Variants in WDTC1 observed in about 807,000 individuals in gnomAD.
The protein encoded by WDTC1 is WD and tetratricopeptide repeats protein 1.
A neutral mutation model predicts 76.0 loss-of-function variants in WDTC1; 12 were observed. The observed-to-expected ratio is 0.16, with a 90% CI of 0.10 to 0.26. The LOEUF is 0.26. WDTC1 is among the 10% of genes least tolerant of loss of function. WDTC1 has a pLI of 1.00. For missense variants in WDTC1, 511 were observed against 908.8 expected (o/e 0.56, Z 5.63); for synonymous variants, 326 against 350.8 (o/e 0.93, Z 0.79).
chr1:27,257,150 C>T (rs1445331644), intron 1 of WDTC1, among the ~76,000 whole-genome samples: 1 of 152,188 alleles, frequency 6.6e-6, no homozygotes, highest in African/African-American at 2.4e-5. Context: ...GCGTGAGCCA[C>T]CGTGCCCGGC....
intron 2 of WDTC1, 80 bp downstream of exon 2, chr1:27,261,182 A>C: frequency 6.4e-7 from 1 of 1,568,792 alleles, no homozygotes; most frequent in South Asian, 1.1e-5. Context: ...AAAAACTGAA[A>C]TCTATAGTCT....
At position 27,254,550 on chromosome 1, in the gene WDTC1, G is replaced by A. The variant is rs185950993; in HGVS notation, c.-99-6406G>A. 4.7e-3 allele frequency among the ~76,000 whole-genome samples: 708 copies of A among 151,990 alleles called. 6 individuals carry two copies. The highest frequency in any genetic ancestry group is 0.016 in the African/African-American group (672 of 41,484). On this transcript the variant is annotated intron_variant, in intron 1 of 15. Transcript: ENST00000319394. ...GAGGCAGTGGTTCCAGTGAGCTATC[G>A]CGCCACTGCACTCCAGCCTGGGTGA...
intron 1 of WDTC1, among the ~76,000 whole-genome samples, chr1:27,243,855 G>T (rs2011714692): frequency 6.6e-6 from 1 of 151,830 alleles, no homozygotes; most frequent in South Asian, 2.1e-4. Context: ...GTCTGGCATG[G>T]TGACTCATGC....
intron 1 of WDTC1, among the ~76,000 whole-genome samples, chr1:27,259,710 A>G (rs1444522506): frequency 2.0e-5 from 3 of 152,084 alleles, no homozygotes; most frequent in Non-Finnish European, 4.4e-5. Context: ...TAACACAGGA[A>G]CAGGTTGCTT....
intron 7 of WDTC1, 72 bp downstream of exon 7, chr1:27,292,469 C>G (rs2013560894): frequency 1.5e-6 from 2 of 1,367,718 alleles, no homozygotes; most frequent in Non-Finnish European, 2.0e-6. Context: ...TCCCTCACTG[C>G]CATTGCCATG....
intron 3 of WDTC1, among the ~76,000 whole-genome samples, chr1:27,272,020 C>T (rs1013091096): frequency 8.7e-5 from 13 of 149,506 alleles, no homozygotes; most frequent in Non-Finnish European, 1.8e-4. Flanking sequence ...CCGAGGCGGG[C>T]GGATCACCTG....
chr1:27,253,123 C>G (rs1468797152), intron 1 of WDTC1, among the ~76,000 whole-genome samples: 1 of 151,468 alleles, frequency 6.6e-6, no homozygotes, highest in Non-Finnish European at 1.5e-5. Context: ...ATTCTCCTGC[C>G]TCAGCCTCCC....
chr1:27,269,164 CAAAAAAAAAAAAAAAA>C (rs34447091), intron 3 of WDTC1, among the ~76,000 whole-genome samples: 2 of 58,858 alleles, frequency 3.4e-5, no homozygotes, highest in African/African-American at 9.0e-5. Flanking sequence ...CCTGTTTCTC[CAAAAAAAAAAAAAAAA>C]AAAAAAAAAA....
At position 27,303,518 on chromosome 1, in the gene WDTC1, T is replaced by C. The variant is rs2013880281; in HGVS notation, c.1469-103T>C. 2 of 1,411,116 alleles carry C rather than the reference T, an allele frequency of 1.4e-6. No homozygotes were observed. The highest frequency in any genetic ancestry group is 1.9e-6 in the Non-Finnish European group (2 of 1,063,320). The allele number at this position is 1,411,116 out of a possible 1,614,324, so 87.4% of individuals were successfully genotyped here. Reference sequence around the variant, plus strand: ...GGATAAGGGTGGAGGCAGGTAGCTCTATGTTGTCAGACTTTGGACTGAAAA... The same window carrying C: ...GGATAAGGGTGGAGGCAGGTAGCTCCATGTTGTCAGACTTTGGACTGAAAA... On this transcript the variant is annotated intron_variant, in intron 13 of 15. Coordinates refer to ENST00000319394, the MANE Select transcript of WDTC1 (RefSeq NM_001276252.2). This position sits in a 1 kb window ranked among gnomAD's most constrained non-coding sequence, Gnocchi z 4.8.
rs1485982549 is a variant in WDTC1, at chr1:27,248,681, T to A, written c.-99-12275T>A. On this transcript the variant is annotated intron_variant, in intron 1 of 15. Transcript: ENST00000319394. ...ACTTTTTATTATTATTTTTTTTTAT[T>A]CAGAGTCTTGCCCTGTCTCCCAGGC... Among the ~76,000 whole-genome samples, 5 of 152,268 alleles carry A rather than the reference T, an allele frequency of 3.3e-5. No homozygotes were observed. The East Asian group carries it at 9.6e-4, about 29-fold the overall frequency.
rs2013633907 is a variant in WDTC1, at chr1:27,294,632, A to G, written c.873+3A>G. On this transcript the variant is annotated splice_donor_region_variant and intron_variant, in intron 9 of 15. Coordinates refer to ENST00000319394, the MANE Select transcript of WDTC1 (RefSeq NM_001276252.2). ...TAGTCAACATGGGGGGGGAACAGGT[A>G]TGTACAGCATAAGGTGGTTCTGCCC... The G allele has an allele frequency of 6.2e-7, 1 of 1,613,364 alleles. No individual in the cohort carries two copies. The highest frequency in any genetic ancestry group is 8.5e-7 in the Non-Finnish European group (1 of 1,179,428).
intron 3 of WDTC1, among the ~76,000 whole-genome samples, chr1:27,268,535 C>T (rs2012749813): frequency 6.6e-6 from 1 of 151,760 alleles, no homozygotes; most frequent in Non-Finnish European, 1.5e-5. Flanking sequence ...TCTCCTGCCC[C>T]AGCCTCCCAA....
At chr1:27,238,121 A>G (rs993467209) in intron 1 of WDTC1, among the ~76,000 whole-genome samples, 6 of 152,152 alleles carry the variant, frequency 3.9e-5, no homozygotes, top group African/African-American at 1.4e-4. Flanking sequence ...AAATTAAGTT[A>G]TTTGCTTAAG....
At chr1:27,280,697 C>G (rs550416187) in intron 3 of WDTC1, among the ~76,000 whole-genome samples, 24 of 152,298 alleles carry the variant, frequency 1.6e-4, no homozygotes, top group Non-Finnish European at 2.8e-4. Context: ...CTTTCATGCT[C>G]TTTGACATTG....
chr1:27,245,745 T>G (rs929304330), intron 1 of WDTC1, among the ~76,000 whole-genome samples: 4 of 151,356 alleles, frequency 2.6e-5, no homozygotes, highest in African/African-American at 9.8e-5. Context: ...AATTTCTGTA[T>G]TTTTAGTAGA....
chr1:27,276,718 A>C (rs894079835), intron 3 of WDTC1, among the ~76,000 whole-genome samples: 2 of 151,470 alleles, frequency 1.3e-5, no homozygotes, highest in Non-Finnish European at 2.9e-5. Flanking sequence ...AAGAAAAAAA[A>C]ATTTTTTTTT....
At chr1:27,267,981 T>A (rs970681101) in intron 3 of WDTC1, among the ~76,000 whole-genome samples, 2 of 152,218 alleles carry the variant, frequency 1.3e-5, no homozygotes, top group African/African-American at 2.4e-5. Flanking sequence ...GTGGAATTTG[T>A]AGGTCAGAGG....
Position 27,234,881 on chromosome 1 carries a change from G to GCC in WDTC1, c.-170_-169insCC, listed in dbSNP as rs1470765566. On this transcript the variant is annotated 5_prime_UTR_variant, in exon 1 of 16. Transcript: ENST00000319394. The stretch of plus-strand genomic sequence containing the variant: ...TCCGCGCCCCCCTTCCCGGGAGAGG[G>GCC]GCCGCCCCCCCCGGACGGACATGGG... The GCC allele has an allele frequency of 2.5e-6, 1 of 395,812 alleles. No individual in the cohort carries two copies. Among genetic ancestry groups the GCC allele is most frequent in the African/African-American group, 2.1e-5 (1 of 48,342 alleles). The allele number at this position is 395,812 out of a possible 1,614,324, so 24.5% of individuals were successfully genotyped here.
Position 27,283,255 on chromosome 1 carries a change from C to T in WDTC1, c.180-83C>T, listed in dbSNP as rs534856054. 161 of 1,258,060 alleles carry T rather than the reference C, an allele frequency of 1.3e-4. No individual in the cohort carries two copies. The African/African-American group carries it at 2.2e-3, about 17-fold the overall frequency. 77.9% of individuals were successfully genotyped at this position (1,258,060 alleles called of 1,614,324 possible). Reference sequence around the variant, plus strand: ...CTGTTCTTCAAATTCTGTAACCTAACTCCTTGTAAACTGAGAACATGGGAT... The same window carrying T: ...CTGTTCTTCAAATTCTGTAACCTAATTCCTTGTAAACTGAGAACATGGGAT... On this transcript the variant is annotated intron_variant, in intron 4 of 15. Coordinates refer to ENST00000319394, the MANE Select transcript of WDTC1 (RefSeq NM_001276252.2).
Sources: allele counts gnomAD v4.1 joint callset (sites outside exome capture counted in the v4.1 genomes callset), GRCh38; gene constraint gnomAD v4.1.1; non-coding constraint Gnocchi (gnomAD v3.1); transcripts MANE v1.5; gene names NCBI Gene and HGNC (gene_info 2026-07-23, HGNC 2026-07-21).